Variants in PPFIA4 observed in about 807,000 individuals in gnomAD.
PPFIA4 encodes the protein PPFI scaffold protein A4, also known as liprin-alpha-4.
A neutral mutation model predicts 145.7 loss-of-function variants in PPFIA4; 98 were observed. That is an observed-to-expected ratio of 0.67 (90% CI 0.57 to 0.80). The LOEUF (loss-of-function observed/expected upper bound fraction) is 0.80, where lower values mean the gene tolerates loss of function less well. Ranked by LOEUF, PPFIA4 falls within the 30% of genes least tolerant of loss-of-function variation. The probability of loss-of-function intolerance (pLI) is 0.00; values close to 1 mark genes in which losing one functional copy is unlikely to be tolerated. For synonymous variants in PPFIA4, 628 were observed against 649.6 expected (o/e 0.97, Z 0.51); for missense variants, 1,457 against 1,632.7 (o/e 0.89, Z 1.85).
At position 203,045,938 on chromosome 1, in the gene PPFIA4, A is replaced by G. The variant is rs369310834; in HGVS notation, c.956A>G (p.Asn319Ser). Residue 319 changes from asparagine to serine, a missense_variant, in exon 8 of 30, where the codon AAT becomes AGT. Physicochemically the swap from Asn to Ser is conservative, Grantham distance 46. This residue lies in a region of PPFIA4 where 463 missense variants were observed against 459.8 expected (regional missense o/e 1.01). Transcript: ENST00000295706. The stretch of plus-strand genomic sequence containing the variant: ...GAGGCAACATCCATCCATGACCTCA[A>G]TGACAAGCTGGAGAATGAGCTGGCC... ...QREATSIHDL[N>S]DKLENELANK... 3.7e-4 allele frequency: 599 copies of G among 1,612,730 alleles called. 2 individuals are homozygous for G. The highest frequency in any genetic ancestry group is 4.9e-4 in the Middle Eastern group (3 of 6,082).
chr1:203,061,614 G>A (rs113091507), intron 23 of PPFIA4, 38 bp from the exon 24 acceptor site: 12 of 1,546,464 alleles, frequency 7.8e-6, no homozygotes, highest in Non-Finnish European at 1.0e-5. Flanking sequence ...TCTTGACTTT[G>A]CCTGTTTCCC....
chr1:203,054,711 C>G (rs4415631), intron 15 of PPFIA4, among the ~76,000 whole-genome samples: 18,544 of 151,196 alleles, frequency 0.12, 1,372 homozygotes, highest in Non-Finnish European at 0.16. Flanking sequence ...CATACACACA[C>G]AGAGAGAGAG....
chr1:203,060,995 A>G lies in PPFIA4; in HGVS notation c.2810A>G (p.His937Arg), dbSNP rs1571721131. The change falls in exon 23 of 30, where the codon CAT (histidine) becomes CGT (arginine). Residue 937 changes from histidine (H) to arginine (R), a missense_variant. Around this residue, in one of 3 missense-constraint regions of PPFIA4, gnomAD observed 848 missense variants for 1,046.7 expected, o/e 0.81. Transcript: ENST00000295706. The surrounding 1 kb of genome is among the most constrained non-coding windows in gnomAD (Gnocchi z 4.8). The part of the protein sequence containing the change: ...RTSSGNVWVT[H>R]EEMETLETST... ...TCTTCTGGGAATGTCTGGGTCACCC[A>G]TGAAGAGATGGAAACTCTGGAAACA... 1 of 1,614,006 alleles carries G rather than the reference A, an allele frequency of 6.2e-7. No homozygotes were observed. Among genetic ancestry groups the G allele is most frequent in the East Asian group, 2.2e-5 (1 of 44,882 alleles).
chr1:203,071,647 C>T (rs1422013822), intron 27 of PPFIA4, 45 bp from the exon 28 acceptor site: 1 of 1,450,116 alleles, frequency 6.9e-7, no homozygotes, highest in East Asian at 2.3e-5. Context: ...AGGTAGTTAA[C>T]TATAGCCCTT....
intron 9 of PPFIA4, among the ~76,000 whole-genome samples, chr1:203,047,738 T>C (rs1329174891): frequency 6.6e-6 from 1 of 152,212 alleles, no homozygotes; most frequent in Non-Finnish European, 1.5e-5. Flanking sequence ...GCCTGGGTGC[T>C]ATTATTACCC....
intron 25 of PPFIA4, 83 bp downstream of exon 25, chr1:203,064,086 C>T: frequency 2.1e-6 from 3 of 1,440,302 alleles, no homozygotes; most frequent in Non-Finnish European, 2.8e-6. Context: ...AACAGAGGTG[C>T]CTCCATCTCT....
Position 203,056,771 on chromosome 1 carries a change from T to C in PPFIA4, c.2241-13T>C, listed in dbSNP as rs1464153161. 6.3e-7 allele frequency: 1 copy of C among 1,586,078 alleles called. No homozygotes were observed. Among genetic ancestry groups the C allele is most frequent in the Non-Finnish European group, 8.6e-7 (1 of 1,160,694 alleles). ...TCTTCTTATTCCGCCCCCTTCTGGC[T>C]GTCACCCTGTAGTGCCTTGGAGGAT... is the stretch of plus-strand genomic sequence containing the variant. On this transcript the variant is annotated splice_polypyrimidine_tract_variant and intron_variant, in intron 18 of 29. Coordinates refer to ENST00000295706, the MANE Select transcript of PPFIA4 (RefSeq NM_001304331.2).
At chr1:203,056,709 C>CT in intron 18 of PPFIA4, 75 bp from the exon 19 acceptor site, 1 of 1,368,804 alleles carries the variant, frequency 7.3e-7, no homozygotes, top group Non-Finnish European at 1.0e-6. Context: ...TTCCTGAGGT[C>CT]TAACTTCCAT....
chr1:203,055,594 A>T lies in PPFIA4; in HGVS notation c.1992A>T (p.Pro664=), dbSNP rs768105404. The T allele has an allele frequency of 1.2e-5, 19 of 1,613,596 alleles. No individual in the cohort carries two copies. The East Asian group carries it at 3.8e-4, about 32-fold the overall frequency. ...TGTCCCTGGCCAGCGCGTCCCCACC[A>T]CTCAGCGGCCGCTCCACACCTAAGC... ...TALSLASASP[P]LSGRSTPKLT... Residue 664 remains proline (P), a synonymous_variant, in exon 16 of 30, where the codon CCA becomes CCT. Transcript: ENST00000295706. The surrounding 1 kb of genome is among the most constrained non-coding windows in gnomAD (Gnocchi z 4.8).
At position 203,043,140 on chromosome 1, in the gene PPFIA4, TTCTCAC is replaced by T. The variant is rs1659819899; in HGVS notation, c.235-253_235-248del. Among the ~76,000 whole-genome samples, 1 of 152,204 alleles carries T rather than the reference TTCTCAC, an allele frequency of 6.6e-6. No homozygotes were observed. Among genetic ancestry groups the T allele is most frequent in the Non-Finnish European group, 1.5e-5 (1 of 68,034 alleles). On this transcript the variant is annotated intron_variant, in intron 2 of 29. Transcript: ENST00000295706. The surrounding 1 kb of genome is among the most constrained non-coding windows in gnomAD (Gnocchi z 4.4). ...GGTCTGCAGAGCAGACTCAGTGACTTTCTCACTCTTGTGTACAACTCTGTTCCCTTG... is the reference window on the plus strand; with the variant it reads ...GGTCTGCAGAGCAGACTCAGTGACTTTCTTGTGTACAACTCTGTTCCCTTG...
chr1:203,034,584 A>C (rs770928462), intron 1 of PPFIA4: 5 of 456,296 alleles, frequency 1.1e-5, no homozygotes, highest in Non-Finnish European at 2.2e-5. Context: ...AGCTGCCTAC[A>C]ACTTGGTGTG....
rs1024071895 is a variant in PPFIA4 at position 203,055,793 on chromosome 1, C to T, written c.2070+121C>T. 7.0e-7 allele frequency: 1 copy of T among 1,436,666 alleles called. No individual in the cohort carries two copies. The highest frequency in any genetic ancestry group is 9.5e-7 in the Non-Finnish European group (1 of 1,056,676). 89.0% of individuals were successfully genotyped at this position (1,436,666 alleles called of 1,614,324 possible). ...TGCCATCTTCTTCCCATGGTGTGTG[C>T]AGACCCCGACATGTCAGGCCACCAG... is the stretch of plus-strand genomic sequence containing the variant. On this transcript the variant is annotated intron_variant, in intron 16 of 29. Coordinates refer to ENST00000295706, the MANE Select transcript of PPFIA4 (RefSeq NM_001304331.2). The surrounding 1 kb of genome is among the most constrained non-coding windows in gnomAD (Gnocchi z 4.8).
intron 25 of PPFIA4, among the ~76,000 whole-genome samples, chr1:203,065,009 G>C (rs59870796): frequency 6.6e-6 from 1 of 152,216 alleles, no homozygotes; most frequent in Non-Finnish European, 1.5e-5. Flanking sequence ...AGGGGTCTTC[G>C]AGGTTCTCTC....
chr1:203,049,643 A>G, intron 12 of PPFIA4, 33 bp from the exon 13 acceptor site: 1 of 706,650 alleles, frequency 1.4e-6, no homozygotes, highest in Non-Finnish European at 2.0e-6. Context: ...CCTGGCCCCC[A>G]CTCCCGCCCC....
intron 17 of PPFIA4, 33 bp downstream of exon 17, chr1:203,056,188 G>C: frequency 3.1e-6 from 5 of 1,613,694 alleles, no homozygotes; most frequent in Non-Finnish European, 4.2e-6. Context: ...GGTACTAACG[G>C]GTTCACTGCT....
chr1:203,033,369 G>A (rs1276823784), intron 1 of PPFIA4, among the ~76,000 whole-genome samples: 1 of 152,208 alleles, frequency 6.6e-6, no homozygotes, highest in Admixed American at 6.5e-5. Flanking sequence ...GCTTCCTGTA[G>A]CCAGAATAGA....
rs753391903 is a variant in PPFIA4, at chr1:203,060,343, C to T, written c.2710C>T (p.Arg904Trp). The change falls in exon 22 of 30, where the codon CGG (arginine) becomes TGG (tryptophan). Residue 904 changes from arginine (R) to tryptophan (W), a missense_variant. This residue lies in a region of PPFIA4 where 848 missense variants were observed against 1,046.7 expected (regional missense o/e 0.81). Transcript: ENST00000295706. The surrounding 1 kb of genome is among the most constrained non-coding windows in gnomAD (Gnocchi z 4.8). Reference sequence around the variant, plus strand: ...GATCGGCATCAGCAATGCCCTGCACCGGCTCAAGCTCCGCCTGGCCATTCA... The same window carrying T: ...GATCGGCATCAGCAATGCCCTGCACTGGCTCAAGCTCCGCCTGGCCATTCA... ...REIGISNALH[R>W]LKLRLAIQEM... 12 of 1,613,928 alleles carry T rather than the reference C, an allele frequency of 7.4e-6. No individual in the cohort carries two copies. Among genetic ancestry groups the T allele is most frequent in the Middle Eastern group, 1.6e-4 (1 of 6,084 alleles).
rs1308924439 is a variant in PPFIA4, at chr1:203,075,796, C to T, written c.3574+39C>T. 3.7e-6 allele frequency: 5 copies of T among 1,346,152 alleles called. No individual in the cohort carries two copies. Among genetic ancestry groups the T allele is most frequent in the Non-Finnish European group, 4.8e-6 (5 of 1,044,190 alleles). The allele number at this position is 1,346,152 out of a possible 1,614,324, so 83.4% of individuals were successfully genotyped here. A position where few individuals can be genotyped will look rare whatever the true frequency, so the allele number is the denominator to read the frequency against. On this transcript the variant is annotated intron_variant, in intron 29 of 29. Transcript: ENST00000295706. This position sits in a 1 kb window ranked among gnomAD's most constrained non-coding sequence, Gnocchi z 4.1. ...GGGCTGGGCATGGCCGAGGCCCAGC[C>T]GAGCGCGGGCTTCTTCCTGGCACCC...
At chr1:203,033,184 C>T (rs111275540) in intron 1 of PPFIA4, among the ~76,000 whole-genome samples, 3,819 of 152,166 alleles carry the variant, frequency 0.025, 169 homozygotes, top group African/African-American at 0.085. Context: ...AGCACTGGAG[C>T]GTATTGTGTG....
Sources: allele counts gnomAD v4.1 joint callset (sites outside exome capture counted in the v4.1 genomes callset), GRCh38; gene constraint gnomAD v4.1.1; regional missense constraint gnomAD v4.1.1; non-coding constraint Gnocchi (gnomAD v3.1); transcripts MANE v1.5; gene names NCBI Gene and HGNC (gene_info 2026-07-23, HGNC 2026-07-21).